Variants in SPAG16 observed in about 807,000 individuals in gnomAD.
SPAG16 encodes sperm associated antigen 16, also known as sperm-associated antigen 16 protein.
A neutral mutation model predicts 80.4 loss-of-function variants in SPAG16; 86 were observed. The observed-to-expected ratio is 1.07, with a 90% CI of 0.90 to 1.28. The LOEUF (loss-of-function observed/expected upper bound fraction) is 1.28, where lower values mean the gene tolerates loss of function less well. Ranked by LOEUF, SPAG16 falls within the 50% of genes most tolerant of loss-of-function variation. The pLI is 0.00. For synonymous variants in SPAG16, 294 were observed against 265.9 expected (o/e 1.11, Z -1.03); for missense variants, 870 against 765.3 (o/e 1.14, Z -1.61).
chr2:214,357,495 C>G (rs906379062), intron 15 of SPAG16, among the ~76,000 whole-genome samples: 7 of 151,872 alleles, frequency 4.6e-5, no homozygotes, highest in African/African-American at 1.7e-4. Flanking sequence ...CCCCCTCCCC[C>G]AGTCTTCTGA....
chr2:213,315,899 C>T (rs2063381121), intron 4 of SPAG16, among the ~76,000 whole-genome samples: 1 of 151,868 alleles, frequency 6.6e-6, no homozygotes, highest in South Asian at 2.1e-4. Context: ...GTAGTGTTTT[C>T]TTTTCCCCTC....
chr2:213,851,160 T>A (rs553418062), intron 10 of SPAG16, among the ~76,000 whole-genome samples: 2 of 152,176 alleles, frequency 1.3e-5, no homozygotes, highest in Non-Finnish European at 2.9e-5. Flanking sequence ...AAGTTTTACA[T>A]TGGACGAGAA....
chr2:213,735,138 A>G (rs1056421551), intron 10 of SPAG16, among the ~76,000 whole-genome samples: 5 of 152,148 alleles, frequency 3.3e-5, no homozygotes, highest in African/African-American at 1.2e-4. Flanking sequence ...CTATTATCCT[A>G]GTTGAGAATG....
At chr2:213,523,542 A>C (rs1217952696) in intron 10 of SPAG16, among the ~76,000 whole-genome samples, 1 of 152,224 alleles carries the variant, frequency 6.6e-6, no homozygotes, top group Non-Finnish European at 1.5e-5. Flanking sequence ...AGAAGAAGAT[A>C]GAAAAATGTA....
intron 15 of SPAG16, among the ~76,000 whole-genome samples, chr2:214,404,255 C>G (rs1701870087): frequency 6.6e-6 from 1 of 152,142 alleles, no homozygotes; most frequent in Admixed American, 6.5e-5. Flanking sequence ...AAAAAGAGCA[C>G]TGATTTAGGT....
At chr2:214,131,602 G>A (rs1290150742) in intron 14 of SPAG16, among the ~76,000 whole-genome samples, 1 of 148,354 alleles carries the variant, frequency 6.7e-6, no homozygotes, top group Non-Finnish European at 1.5e-5. Context: ...GGTACATCCA[G>A]ACAATGGAAT....
At chr2:213,599,992 T>C (rs955161120) in intron 10 of SPAG16, among the ~76,000 whole-genome samples, 20 of 152,194 alleles carry the variant, frequency 1.3e-4, no homozygotes, top group African/African-American at 4.8e-4. Context: ...GGCCTATTAG[T>C]AGTTGTGTTT....
chr2:213,938,297 T>C (rs933430710), intron 12 of SPAG16, among the ~76,000 whole-genome samples: 6 of 151,984 alleles, frequency 3.9e-5, no homozygotes, highest in African/African-American at 1.4e-4. Context: ...CACTAATGTA[T>C]GGTAAAATAA....
chr2:213,666,624 C>A (rs1368231438), intron 10 of SPAG16, among the ~76,000 whole-genome samples: 3 of 152,184 alleles, frequency 2.0e-5, no homozygotes, highest in African/African-American at 7.2e-5. Flanking sequence ...CCACTTTGAT[C>A]TACAAACCTG....
chr2:214,218,006 TA>T (rs1400047712), intron 15 of SPAG16, among the ~76,000 whole-genome samples: 21 of 152,248 alleles, frequency 1.4e-4, no homozygotes, highest in Admixed American at 3.3e-4. Context: ...GGTTAATGCA[TA>T]TTTTTTTTCA....
intron 6 of SPAG16, among the ~76,000 whole-genome samples, chr2:213,348,040 T>C (rs1255494800): frequency 6.6e-6 from 1 of 152,174 alleles, no homozygotes; most frequent in African/African-American, 2.4e-5. Context: ...TGTAGGTCTC[T>C]AAGGACTTGC....
At chr2:213,436,649 A>G (rs949870876) in intron 9 of SPAG16, among the ~76,000 whole-genome samples, 1 of 152,140 alleles carries the variant, frequency 6.6e-6, no homozygotes, top group Non-Finnish European at 1.5e-5. Flanking sequence ...TATATTTAAT[A>G]AATCTTGAGA....
Position 213,833,566 on chromosome 2 carries a change from A to ATTATATATT in SPAG16, c.1071-28919_1071-28918insTTATATATT, listed in dbSNP as rs1491310920. Among the ~76,000 whole-genome samples, 24 of 11,362 alleles carry ATTATATATT rather than the reference A, an allele frequency of 2.1e-3. 6 individuals carry two copies. The highest frequency in any genetic ancestry group is 3.5e-3 in the Non-Finnish European group (20 of 5,636). 7.5% of individuals were successfully genotyped at this position (11,362 alleles called of 152,430 possible). Reference sequence around the variant, plus strand: ...TATATATAATATATATAATATATATAATATATATATAATATATATATTATA... The same window carrying ATTATATATT: ...TATATATAATATATATAATATATATATTATATATTATATATATATAATATATATATTATA... On this transcript the variant is annotated intron_variant, in intron 10 of 15. Transcript: ENST00000331683.
intron 15 of SPAG16, among the ~76,000 whole-genome samples, chr2:214,326,397 TA>T (rs1287570215): frequency 6.6e-6 from 1 of 152,172 alleles, no homozygotes; most frequent in Non-Finnish European, 1.5e-5. Context: ...TTTGGACTTC[TA>T]ACCTTCAGAA....
chr2:214,372,786 G>A (rs1257995085), intron 15 of SPAG16, among the ~76,000 whole-genome samples: 1 of 152,160 alleles, frequency 6.6e-6, no homozygotes, highest in Non-Finnish European at 1.5e-5. Context: ...CCAACATGTA[G>A]TAGAAAATCC....
At chr2:213,652,609 G>T (rs1182964526) in intron 10 of SPAG16, among the ~76,000 whole-genome samples, 1 of 151,908 alleles carries the variant, frequency 6.6e-6, no homozygotes, top group African/African-American at 2.4e-5. Context: ...GTGATATATT[G>T]TCATGGTTAT....
intron 9 of SPAG16, among the ~76,000 whole-genome samples, chr2:213,434,442 A>C (rs993182567): frequency 1.3e-5 from 2 of 152,216 alleles, no homozygotes; most frequent in Non-Finnish European, 2.9e-5. Flanking sequence ...TCAATAGCAC[A>C]AGTAATAAAA....
intron 15 of SPAG16, among the ~76,000 whole-genome samples, chr2:214,178,009 A>G (rs1274523453): frequency 6.4e-5 from 3 of 46,568 alleles, no homozygotes; most frequent in African/African-American, 8.7e-5. Flanking sequence ...ATATATATAT[A>G]TATTCATACT....
chr2:213,712,709 A>G (rs1033912951), intron 10 of SPAG16, among the ~76,000 whole-genome samples: 1 of 152,168 alleles, frequency 6.6e-6, no homozygotes, highest in African/African-American at 2.4e-5. Flanking sequence ...CTCAAAAAAG[A>G]CCATACTGAG....
Sources: gnomAD v4.1 joint callset for allele counts (sites outside exome capture counted in the v4.1 genomes callset) on GRCh38, gnomAD v4.1.1 for gene constraint, MANE v1.5 for transcripts, NCBI Gene and HGNC (gene_info 2026-07-23, HGNC 2026-07-21) for gene names.